CMTM8: variants seen among roughly 807,000 people sequenced by gnomAD.
The protein encoded by CMTM8 is CKLF-like MARVEL transmembrane domain-containing protein 8.
In CMTM8, 12 loss-of-function variants were observed where a neutral mutation model predicts 18.6. The ratio of observed to expected loss-of-function variants is 0.65; its 90% CI spans 0.41 to 1.05. The LOEUF is 1.05. Ranked by LOEUF, CMTM8 falls within the 50% of genes least tolerant of loss-of-function variation. The probability of loss-of-function intolerance (pLI) is 0.00; values close to 1 mark genes in which losing one functional copy is unlikely to be tolerated. For missense variants in CMTM8, 217 were observed against 227.2 expected, an observed-to-expected ratio of 0.95 and a Z score of 0.29; for synonymous variants, 87 against 90.6, an observed-to-expected ratio of 0.96 and a Z score of 0.23.
rs374349393 is a variant in CMTM8, at chr3:32,285,997, C to T, written c.147+46878C>T. Among the ~76,000 whole-genome samples the T allele has an allele frequency of 2.6e-5, 4 of 152,302 alleles. No individual in the cohort carries two copies. In the East Asian group the frequency reaches 5.8e-4, roughly 22 times the overall value. Reference sequence around the variant, plus strand: ...GCGGTCTGCAGTTAGGTCAATACCTCCCTGTCAGGACGATGGGAGAATTAA... The same window carrying T: ...GCGGTCTGCAGTTAGGTCAATACCTTCCTGTCAGGACGATGGGAGAATTAA... On this transcript the variant is annotated intron_variant, in intron 1 of 3. Transcript: ENST00000307526.
intron 1 of CMTM8, among the ~76,000 whole-genome samples, chr3:32,242,734 T>C (rs778652958): frequency 2.0e-5 from 3 of 152,210 alleles, no homozygotes; most frequent in African/African-American, 7.2e-5. Flanking sequence ...TGATGTGCCT[T>C]CATATGAGTG....
intron 1 of CMTM8, among the ~76,000 whole-genome samples, chr3:32,279,196 A>C (rs1405464398): frequency 7.2e-6 from 1 of 139,768 alleles, no homozygotes; most frequent in Non-Finnish European, 1.5e-5. Context: ...TTTTTATTAT[A>C]CTTTAAGTTT....
At chr3:32,287,318 A>T (rs542166925) in intron 1 of CMTM8, among the ~76,000 whole-genome samples, 1 of 152,152 alleles carries the variant, frequency 6.6e-6, no homozygotes, top group Non-Finnish European at 1.5e-5. Context: ...TTTTGTCTTC[A>T]TAAGAATTAA....
chr3:32,330,584 G>C (rs892708813), intron 1 of CMTM8, among the ~76,000 whole-genome samples: 1 of 152,162 alleles, frequency 6.6e-6, no homozygotes, highest in African/African-American at 2.4e-5. Flanking sequence ...CAATGGAACA[G>C]AATAGAGAGC....
chr3:32,266,103 A>G (rs1308048207), intron 1 of CMTM8, among the ~76,000 whole-genome samples: 2 of 139,298 alleles, frequency 1.4e-5, no homozygotes, highest in African/African-American at 5.2e-5. Context: ...AACTCATTTT[A>G]TGAGGCCAGC....
At chr3:32,292,471 T>C (rs538771325) in intron 1 of CMTM8, among the ~76,000 whole-genome samples, 127 of 152,302 alleles carry the variant, frequency 8.3e-4, no homozygotes, top group African/African-American at 2.9e-3. Context: ...CAAATAGGCA[T>C]AGACTGCGTA....
Position 32,364,920 on chromosome 3 carries a change from G to A in CMTM8, c.322-2952G>A, listed in dbSNP as rs187800571. 7.9e-5 allele frequency among the ~76,000 whole-genome samples: 12 copies of A among 152,348 alleles called. No individual in the cohort carries two copies. The South Asian group carries it at 1.4e-3, about 18-fold the overall frequency. ...CTGAGGGGATGTTCGCAGCAGTGAT[G>A]TGTGAAGCACCATGGCCCTAAAGTG... On this transcript the variant is annotated intron_variant, in intron 2 of 3. Transcript: ENST00000307526.
intron 1 of CMTM8, among the ~76,000 whole-genome samples, chr3:32,348,820 A>T (rs1157930015): frequency 6.6e-6 from 1 of 151,904 alleles, no homozygotes; most frequent in African/African-American, 2.4e-5. Flanking sequence ...TACTAATCAG[A>T]TGTTTGACCT....
chr3:32,301,687 A>G (rs1695621542), intron 1 of CMTM8, among the ~76,000 whole-genome samples: 1 of 152,014 alleles, frequency 6.6e-6, no homozygotes, highest in African/African-American at 2.4e-5. Flanking sequence ...GTTTTCCATG[A>G]ATGATTTTGG....
chr3:32,365,650 G>A (rs1697019806), intron 2 of CMTM8, among the ~76,000 whole-genome samples: 1 of 152,076 alleles, frequency 6.6e-6, no homozygotes, highest in East Asian at 1.9e-4. Flanking sequence ...TCACCATGTT[G>A]GCCAGGCTGG....
chr3:32,312,117 C>T (rs1252466468), intron 1 of CMTM8, among the ~76,000 whole-genome samples: 1 of 152,134 alleles, frequency 6.6e-6, no homozygotes, highest in Non-Finnish European at 1.5e-5. Context: ...CAGTGTATGG[C>T]ATTGTTACGT....
Position 32,321,029 on chromosome 3 carries a change from A to G in CMTM8, c.148-36344A>G, listed in dbSNP as rs1340046942. 3.3e-5 allele frequency among the ~76,000 whole-genome samples: 5 copies of G among 152,062 alleles called. No individual in the cohort carries two copies. The East Asian group carries it at 9.6e-4, about 29-fold the overall frequency. On this transcript the variant is annotated intron_variant, in intron 1 of 3. Transcript: ENST00000307526. ...CAGTCGATGACTTTCCTTTTTCTGG[A>G]GTTTTCCAGGGTCAGGAATTGCTTT...
At chr3:32,364,122 A>C (rs1370153686) in intron 2 of CMTM8, among the ~76,000 whole-genome samples, 2 of 152,184 alleles carry the variant, frequency 1.3e-5, no homozygotes, top group African/African-American at 4.8e-5. Context: ...TTGTAATCCC[A>C]GCACTTTAGG....
intron 1 of CMTM8, among the ~76,000 whole-genome samples, chr3:32,344,384 A>C (rs1050316621): frequency 2.0e-5 from 3 of 152,214 alleles, no homozygotes; most frequent in African/African-American, 4.8e-5. Context: ...GTCAAAAATA[A>C]ATCAGCCAAC....
intron 1 of CMTM8, among the ~76,000 whole-genome samples, chr3:32,300,427 G>A (rs1477993148): frequency 2.0e-5 from 3 of 152,150 alleles, no homozygotes; most frequent in Non-Finnish European, 1.5e-5. Flanking sequence ...GGGGAAAAGG[G>A]TTTTGGTTTC....
chr3:32,347,883 T>C (rs7652210), intron 1 of CMTM8, among the ~76,000 whole-genome samples: 110,478 of 152,012 alleles, frequency 0.73, 40,378 homozygotes, highest in East Asian at 0.84. Context: ...TTTAACGTGG[T>C]TTGGCTGTCT....
At chr3:32,311,891 A>G (rs1157696548) in intron 1 of CMTM8, among the ~76,000 whole-genome samples, 1 of 152,320 alleles carries the variant, frequency 6.6e-6, no homozygotes, top group East Asian at 1.9e-4. Context: ...ACAGGTAGAG[A>G]ATTGCTTTGG....
At chr3:32,339,488 C>T (rs145485882) in intron 1 of CMTM8, among the ~76,000 whole-genome samples, 47 of 152,292 alleles carry the variant, frequency 3.1e-4, no homozygotes, top group African/African-American at 1.1e-3. Flanking sequence ...GAAATCCTCC[C>T]AGGCAATCCA....
rs2125533906 is a variant in CMTM8, at chr3:32,255,085, G to A, written c.147+15966G>A. Among the ~76,000 whole-genome samples the A allele has an allele frequency of 2.6e-5, 4 of 152,118 alleles. No individual in the cohort carries two copies. In the South Asian group the frequency reaches 8.3e-4, roughly 32 times the overall value. On this transcript the variant is annotated intron_variant, in intron 1 of 3. Coordinates refer to ENST00000307526, the MANE Select transcript of CMTM8 (RefSeq NM_178868.5). ...ATTTTCAAGATTTATCCATGTTGTG[G>A]CATGTATCAGTATTTCATTTCTTTT... is the stretch of plus-strand genomic sequence containing the variant.
Sources: gnomAD v4.1 joint callset for allele counts (sites outside exome capture counted in the v4.1 genomes callset) on GRCh38, gnomAD v4.1.1 for gene constraint, MANE v1.5 for transcripts, NCBI Gene and HGNC (gene_info 2026-07-23, HGNC 2026-07-21) for gene names.